Variants in ITCH observed in about 807,000 individuals in gnomAD.
ITCH encodes the protein E3 ubiquitin-protein ligase Itchy homolog.
In ITCH, 28 loss-of-function variants were observed where a neutral mutation model predicts 126.8. That is an observed-to-expected ratio of 0.22 (90% CI 0.16 to 0.30). The LOEUF (loss-of-function observed/expected upper bound fraction) is 0.30, where lower values mean the gene tolerates loss of function less well. ITCH is among the 10% of genes least tolerant of loss of function. The pLI is 1.00. For missense variants in ITCH, 631 were observed against 1,032.4 expected (o/e 0.61, Z 5.33); for synonymous variants, 342 against 340.0 (o/e 1.01, Z -0.06).
At chr20:34,363,674 C>A (rs2037287560) in intron 1 of ITCH, among the ~76,000 whole-genome samples, 2 of 152,110 alleles carry the variant, frequency 1.3e-5, no homozygotes, top group Admixed American at 1.3e-4. Context: ...CCCCTCGCCC[C>A]TCAGCCCCGC....
At chr20:34,416,247 A>T (rs1336525314) in intron 6 of ITCH, among the ~76,000 whole-genome samples, 3 of 151,566 alleles carry the variant, frequency 2.0e-5, no homozygotes, top group Admixed American at 2.0e-4. Context: ...AAAAATACAA[A>T]ATTAGCTGGG....
At chr20:34,495,592 A>G (rs936646605) in intron 23 of ITCH, among the ~76,000 whole-genome samples, 1 of 151,992 alleles carries the variant, frequency 6.6e-6, no homozygotes, top group Non-Finnish European at 1.5e-5. Flanking sequence ...ATGTTCATCT[A>G]TGTTGTCATA....
intron 21 of ITCH, 25 bp downstream of exon 21, chr20:34,489,411 T>C (rs758161283): frequency 1.2e-6 from 2 of 1,601,972 alleles, no homozygotes; most frequent in Non-Finnish European, 1.7e-6. Context: ...TTCATTCCCC[T>C]GTACCATGCT....
At chr20:34,433,720 T>A (rs1022779306) in intron 7 of ITCH, among the ~76,000 whole-genome samples, 1 of 151,204 alleles carries the variant, frequency 6.6e-6, no homozygotes, top group Non-Finnish European at 1.5e-5. Flanking sequence ...AGTATGTCTA[T>A]ATATAATTTT....
intron 12 of ITCH, among the ~76,000 whole-genome samples, chr20:34,454,032 G>A (rs1985569422): frequency 6.6e-6 from 1 of 151,892 alleles, no homozygotes; most frequent in Non-Finnish European, 1.5e-5. Context: ...AGAGAATTCT[G>A]GATTCTGCAA....
chr20:34,475,230 G>T (rs866521915), intron 16 of ITCH, among the ~76,000 whole-genome samples: 8 of 152,172 alleles, frequency 5.3e-5, no homozygotes, highest in Admixed American at 1.3e-4. Context: ...AGGCAGAGAT[G>T]CTCCTCACTT....
intron 1 of ITCH, among the ~76,000 whole-genome samples, chr20:34,368,801 C>T (rs2037513101): frequency 6.6e-6 from 1 of 152,126 alleles, no homozygotes; most frequent in African/African-American, 2.4e-5. Context: ...CTCCAAGTTG[C>T]AGGGACTATC....
At chr20:34,410,847 T>A (rs1259131571) in intron 4 of ITCH, among the ~76,000 whole-genome samples, 2 of 152,234 alleles carry the variant, frequency 1.3e-5, no homozygotes, top group African/African-American at 4.8e-5. Flanking sequence ...TGTCATGAAC[T>A]TCTTAGTGAT....
intron 12 of ITCH, among the ~76,000 whole-genome samples, chr20:34,454,975 G>GC (rs948365837): frequency 6.6e-6 from 1 of 151,602 alleles, no homozygotes; most frequent in African/African-American, 2.4e-5. Flanking sequence ...GATTACAGAT[G>GC]CCCACCACCA....
chr20:34,382,180 C>G (rs1442685449), intron 2 of ITCH, among the ~76,000 whole-genome samples: 1 of 152,136 alleles, frequency 6.6e-6, no homozygotes, highest in African/African-American at 2.4e-5. Context: ...CTTTCATAAT[C>G]CTAGTTGTTT....
At chr20:34,382,582 A>G (rs2038105326) in intron 2 of ITCH, among the ~76,000 whole-genome samples, 1 of 151,130 alleles carries the variant, frequency 6.6e-6, no homozygotes, top group African/African-American at 2.4e-5. Flanking sequence ...ATTTTTTTGT[A>G]TTTTTAGTAG....
intron 17 of ITCH, among the ~76,000 whole-genome samples, chr20:34,478,875 G>A (rs1988471252): frequency 6.6e-6 from 1 of 152,022 alleles, no homozygotes; most frequent in South Asian, 2.1e-4. Context: ...TTCCTAATAA[G>A]AAAATAAACT....
chr20:34,382,734 T>C (rs1288126371), intron 2 of ITCH, among the ~76,000 whole-genome samples: 4 of 143,244 alleles, frequency 2.8e-5, no homozygotes, highest in Non-Finnish European at 6.0e-5. Flanking sequence ...ATTACTATTA[T>C]TATTATTATT....
chr20:34,434,325 C>T (rs1382704487), intron 7 of ITCH, among the ~76,000 whole-genome samples: 1 of 152,034 alleles, frequency 6.6e-6, no homozygotes, highest in Non-Finnish European at 1.5e-5. Flanking sequence ...AAATAAAATG[C>T]ACTAACTATA....
chr20:34,380,499 T>G (rs1452636996), intron 2 of ITCH, among the ~76,000 whole-genome samples: 2 of 152,104 alleles, frequency 1.3e-5, no homozygotes, highest in African/African-American at 4.8e-5. Flanking sequence ...CTTACTCAGT[T>G]GTAAGAGTTT....
intron 3 of ITCH, among the ~76,000 whole-genome samples, chr20:34,407,097 A>T (rs1165153929): frequency 6.6e-6 from 1 of 152,064 alleles, no homozygotes; most frequent in African/African-American, 2.4e-5. Context: ...GGACAAAGCT[A>T]TTTTATGGCA....
At chr20:34,503,243 GTTCT>G (rs1990374006) in intron 23 of ITCH, among the ~76,000 whole-genome samples, 1 of 152,066 alleles carries the variant, frequency 6.6e-6, no homozygotes, top group South Asian at 2.1e-4. Flanking sequence ...ACATGAGAAA[GTTCT>G]TTGTGTCTGA....
At chr20:34,374,143 A>G (rs981292453) in intron 2 of ITCH, among the ~76,000 whole-genome samples, 1 of 152,162 alleles carries the variant, frequency 6.6e-6, no homozygotes, top group Non-Finnish European at 1.5e-5. Context: ...AAGCTCCAGA[A>G]ATAACCATCT....
chr20:34,476,381 C>T (rs1600446120), intron 16 of ITCH: 4 of 1,288,712 alleles, frequency 3.1e-6, no homozygotes, highest in Non-Finnish European at 3.9e-6. Context: ...CTGGCTCCAG[C>T]GCGGGACCCG....
Sources: allele counts gnomAD v4.1 joint callset (sites outside exome capture counted in the v4.1 genomes callset), GRCh38; gene constraint gnomAD v4.1.1; transcripts MANE v1.5; gene names NCBI Gene and HGNC (gene_info 2026-07-23, HGNC 2026-07-21).